CDH2: variants seen among roughly 807,000 people sequenced by gnomAD.
CDH2 encodes the protein cadherin-2.
In CDH2, 17 loss-of-function variants were observed where a neutral mutation model predicts 92.0. The ratio of observed to expected loss-of-function variants is 0.18; its 90% confidence interval spans 0.13 to 0.28. The LOEUF (loss-of-function observed/expected upper bound fraction) is 0.28, where lower values mean the gene tolerates loss of function less well. Ranked by LOEUF, CDH2 falls within the 10% of genes least tolerant of loss-of-function variation. The probability of loss-of-function intolerance (pLI) is 1.00; values close to 1 mark genes in which losing one functional copy is unlikely to be tolerated. For missense variants in CDH2, 862 were observed against 1,133.1 expected (o/e 0.76, Z 3.44); for synonymous variants, 419 against 415.9 (o/e 1.01, Z -0.09).
At chr18:27,983,534 T>A (rs1025196430) in intron 13 of CDH2, among the ~76,000 whole-genome samples, 1 of 152,204 alleles carries the variant, frequency 6.6e-6, no homozygotes, top group Non-Finnish European at 1.5e-5. Flanking sequence ...AAAACACTTA[T>A]CCAGGAGGAC....
chr18:28,074,360 T>C (rs895884062), intron 2 of CDH2, among the ~76,000 whole-genome samples: 1 of 152,202 alleles, frequency 6.6e-6, no homozygotes, highest in Non-Finnish European at 1.5e-5. Context: ...AACATTACTA[T>C]CCACGACATT....
In CDH2 at chr18:28,031,063, C is replaced by T. The variant is rs184062207; in HGVS notation, c.173-17154G>A. On this transcript the variant is annotated intron_variant, in intron 2 of 15. Transcript: ENST00000269141. Reference sequence around the variant, plus strand: ...GAATCTTGAATATATATGTCTAAACCGTGACCACTCCACTGAGATCTAGTA... The same window carrying T: ...GAATCTTGAATATATATGTCTAAACTGTGACCACTCCACTGAGATCTAGTA... Among the ~76,000 whole-genome samples the T allele has an allele frequency of 2.6e-3, 392 of 151,074 alleles. 2 individuals carry two copies. The highest frequency in any genetic ancestry group is 8.8e-3 in the African/African-American group (360 of 41,136).
chr18:28,070,775 A>G (rs2014602196), intron 2 of CDH2, among the ~76,000 whole-genome samples: 3 of 152,224 alleles, frequency 2.0e-5, no homozygotes, highest in Admixed American at 2.0e-4. Flanking sequence ...GGAGACAAAG[A>G]GGTAGTAAGG....
chr18:27,968,386 G>T (rs1466305613), intron 14 of CDH2, among the ~76,000 whole-genome samples: 1 of 152,206 alleles, frequency 6.6e-6, no homozygotes, highest in African/African-American at 2.4e-5. Context: ...AGAGTTTACT[G>T]AGGGGGAAAA....
intron 2 of CDH2, among the ~76,000 whole-genome samples, chr18:28,089,589 T>C (rs1037841409): frequency 6.6e-6 from 1 of 152,158 alleles, no homozygotes; most frequent in African/African-American, 2.4e-5. Flanking sequence ...CTTGAATTAT[T>C]TAAGTAATTT....
chr18:28,054,155 A>C (rs1314385920), intron 2 of CDH2, among the ~76,000 whole-genome samples: 3 of 152,294 alleles, frequency 2.0e-5, no homozygotes, highest in Non-Finnish European at 4.4e-5. Flanking sequence ...TAGGTAGGTA[A>C]GGTTACTAGA....
chr18:28,122,223 C>T (rs566327015), intron 2 of CDH2, among the ~76,000 whole-genome samples: 1 of 152,094 alleles, frequency 6.6e-6, no homozygotes, highest in African/African-American at 2.4e-5. Context: ...CCTTTTTCAA[C>T]CTCCACCACA....
chr18:28,159,353 T>C (rs937961754), intron 1 of CDH2: 2 of 152,374 alleles, frequency 1.3e-5, no homozygotes, highest in South Asian at 2.1e-4. Context: ...GGATTCATTG[T>C]AAGGGGGACT....
intron 2 of CDH2, among the ~76,000 whole-genome samples, chr18:28,065,586 T>A (rs1307734895): frequency 6.6e-6 from 1 of 152,178 alleles, no homozygotes; most frequent in African/African-American, 2.4e-5. Context: ...ACACTGATAA[T>A]CCAGTCATTG....
chr18:28,168,816 G>GA (rs573181157), intron 1 of CDH2, among the ~76,000 whole-genome samples: 16 of 150,776 alleles, frequency 1.1e-4, no homozygotes, highest in South Asian at 2.1e-4. Context: ...ATTATTTAAA[G>GA]AAAAAAAAAT....
At chr18:28,020,150 ATCT>A (rs1463245045) in intron 2 of CDH2, among the ~76,000 whole-genome samples, 1 of 152,120 alleles carries the variant, frequency 6.6e-6, no homozygotes, top group Non-Finnish European at 1.5e-5. Context: ...AGCTAGGAAT[ATCT>A]TCTTGAATTT....
chr18:28,105,762 A>G (rs1250216056), intron 2 of CDH2, among the ~76,000 whole-genome samples: 1 of 152,184 alleles, frequency 6.6e-6, no homozygotes, highest in East Asian at 1.9e-4. Context: ...TTAATTTAAA[A>G]TATAATTACA....
chr18:27,998,883 G>T (rs1348208171), intron 7 of CDH2, among the ~76,000 whole-genome samples: 1 of 152,198 alleles, frequency 6.6e-6, no homozygotes, highest in African/African-American at 2.4e-5. Context: ...AGTGCTGGGT[G>T]CCCCTTGGAG....
Position 28,158,640 on chromosome 18 carries a change from G to A in CDH2, c.61-10856C>T, listed in dbSNP as rs776004593. Among the ~76,000 whole-genome samples, 8 of 152,250 alleles carry A rather than the reference G, an allele frequency of 5.3e-5. No homozygotes were observed. In the East Asian group the frequency reaches 1.2e-3, roughly 22 times the overall value. On this transcript the variant is annotated intron_variant, in intron 1 of 15. Coordinates refer to ENST00000269141, the MANE Select transcript of CDH2 (RefSeq NM_001792.5). ...TATGGTCCGAGGAGTGGACTCCTAG[G>A]AGTTCCCACGACCCTCTCAGGGAAT...
At chr18:27,938,181 T>C (rs1209123906) in intron 6 of CDH2, among the ~76,000 whole-genome samples, 2 of 152,112 alleles carry the variant, frequency 1.3e-5, no homozygotes, top group African/African-American at 2.4e-5. Flanking sequence ...TCCACCAAGA[T>C]TGTAAGTTTT....
At chr18:28,024,875 CAAAG>C (rs1341149959) in intron 2 of CDH2, among the ~76,000 whole-genome samples, 1 of 151,034 alleles carries the variant, frequency 6.6e-6, no homozygotes, top group African/African-American at 2.4e-5. Context: ...GAAATGAAAG[CAAAG>C]AAAGAGTAAA....
chr18:28,043,199 T>C (rs749137105), intron 2 of CDH2, among the ~76,000 whole-genome samples: 2 of 151,892 alleles, frequency 1.3e-5, no homozygotes, highest in Non-Finnish European at 2.9e-5. Context: ...AACTCAGGAA[T>C]AGAAAACCAA....
intron 2 of CDH2, among the ~76,000 whole-genome samples, chr18:28,033,319 T>C (rs2013744729): frequency 6.6e-6 from 1 of 152,072 alleles, no homozygotes; most frequent in Admixed American, 6.6e-5. Flanking sequence ...ATGTATTATT[T>C]TTGTAGGGAG....
exon 7 of CDH2, among the ~76,000 whole-genome samples, chr18:27,932,941 C>A (rs1051105101): frequency 1.3e-5 from 2 of 152,036 alleles, no homozygotes; most frequent in African/African-American, 4.8e-5. Flanking sequence ...GCTGAAAATG[C>A]AAGTACATAG....
Sources: allele counts gnomAD v4.1 joint callset (sites outside exome capture counted in the v4.1 genomes callset), GRCh38; gene constraint gnomAD v4.1.1; transcripts MANE v1.5; gene names NCBI Gene and HGNC (gene_info 2026-07-23, HGNC 2026-07-21).